The following UBR1 variants were observed in gnomAD, a reference collection of about 807,000 sequenced individuals.
UBR1 encodes E3 ubiquitin-protein ligase UBR1.
A neutral mutation model predicts 242.1 loss-of-function variants in UBR1; 102 were observed. That is an observed-to-expected ratio of 0.42 (90% confidence interval 0.36 to 0.50). The LOEUF (loss-of-function observed/expected upper bound fraction) is 0.50. Ranked by LOEUF, UBR1 falls within the 20% of genes least tolerant of loss-of-function variation. The pLI is 0.01. For missense variants in UBR1, 1,772 were observed against 2,101.8 expected, an observed-to-expected ratio of 0.84 and a Z score of 3.07; for synonymous variants, 675 against 684.8, an observed-to-expected ratio of 0.99 and a Z score of 0.22.
At chr15:42,962,347 T>C (rs913978695) in intron 42 of UBR1, among the ~76,000 whole-genome samples, 7 of 152,140 alleles carry the variant, frequency 4.6e-5, no homozygotes, top group African/African-American at 1.4e-4. Context: ...AACAGCGGTA[T>C]CATGGAGCCC....
At chr15:42,971,275 C>G (rs138511989) in intron 39 of UBR1, among the ~76,000 whole-genome samples, 482 of 152,244 alleles carry the variant, frequency 3.2e-3, no homozygotes, top group African/African-American at 0.011. Context: ...GTCTGTCCTG[C>G]CTTCATGCTC....
intron 1 of UBR1, among the ~76,000 whole-genome samples, chr15:43,090,312 C>T (rs942409837): frequency 2.6e-5 from 4 of 152,044 alleles, no homozygotes; most frequent in African/African-American, 9.7e-5. Flanking sequence ...AAAATATTAA[C>T]AGAAATGGGT....
chr15:42,966,345 TA>T, intron 40 of UBR1, 59 bp from the exon 41 acceptor site: 2 of 1,593,414 alleles, frequency 1.3e-6, no homozygotes, highest in South Asian at 2.2e-5. Flanking sequence ...GCCCTAGATT[TA>T]AACATATCCC....
At chr15:43,059,923 G>C in intron 7 of UBR1, 98 bp from the exon 8 acceptor site, 1 of 1,559,094 alleles carries the variant, frequency 6.4e-7, no homozygotes, top group South Asian at 1.1e-5. Flanking sequence ...AACCCTGCCA[G>C]TTCCAAATCT....
Position 43,015,737 on chromosome 15 carries a change from T to C in UBR1, c.3160A>G (p.Asn1054Asp). 3 of 1,614,180 alleles carry C rather than the reference T, an allele frequency of 1.9e-6. No individual in the cohort carries two copies. The highest frequency in any genetic ancestry group is 2.5e-6 in the Non-Finnish European group (3 of 1,180,026). The change falls in exon 29 of 47, where the codon AAT (asparagine) becomes GAT (aspartate). Residue 1054 changes from asparagine (N) to aspartate (D), a missense_variant. By Grantham distance (23) the Asn-to-Asp change is conservative. This residue lies in a region of UBR1 where 965 missense variants were observed against 1,079.7 expected (regional missense o/e 0.89). Coordinates refer to ENST00000290650, the MANE Select transcript of UBR1 (RefSeq NM_174916.3). ...FIETHKLMYD[N>D]TSEMPGKEDS... ...TCTTTCCCAGGCATTTCTGATGTATTGTCATACATGAGTTTATGAGTTTCA... is the reference window on the plus strand; with the variant it reads ...TCTTTCCCAGGCATTTCTGATGTATCGTCATACATGAGTTTATGAGTTTCA...
Position 42,966,192 on chromosome 15 carries a change from A to G in UBR1, c.4552T>C (p.Tyr1518His). ...TCAGGCGGAGTTACCCCAAGTAAAT[A>G]GTGGAAAAACAATGCAGCACAGCGA... is the stretch of plus-strand genomic sequence containing the variant. ...YLRCAALFFH[Y>H]LLGVTPPEEL... Residue 1518 changes from tyrosine (Y) to histidine (H), a missense_variant, in exon 41 of 47, where the codon TAT becomes CAT. By Grantham distance (83) the Tyr-to-His change is moderately conservative (BLOSUM62 2). Transcript: ENST00000290650. 1 of 1,614,164 alleles carries G rather than the reference A, an allele frequency of 6.2e-7. No individual in the cohort carries two copies. Among genetic ancestry groups the G allele is most frequent in the South Asian group, 1.1e-5 (1 of 91,088 alleles).
intron 6 of UBR1, among the ~76,000 whole-genome samples, chr15:43,060,344 G>A (rs1290374943): frequency 1.3e-5 from 2 of 152,208 alleles, no homozygotes; most frequent in African/African-American, 4.8e-5. Flanking sequence ...TTAAGATGCT[G>A]AGTTTCTTGC....
intron 39 of UBR1, among the ~76,000 whole-genome samples, chr15:42,973,901 T>G (rs1210004198): frequency 3.4e-5 from 5 of 147,880 alleles, no homozygotes; most frequent in African/African-American, 1.3e-4. Context: ...TTTTTTTTTT[T>G]TTTTTGAGAT....
chr15:43,017,043 C>G, intron 28 of UBR1, 52 bp downstream of exon 28: 1 of 1,470,950 alleles, frequency 6.8e-7, no homozygotes, highest in Non-Finnish European at 9.5e-7. Context: ...CAGTAAAGTT[C>G]AAAGACAGAG....
chr15:43,074,765 C>G (rs1596131444), intron 4 of UBR1, among the ~76,000 whole-genome samples: 1 of 152,164 alleles, frequency 6.6e-6, no homozygotes, highest in Admixed American at 6.5e-5. Context: ...AAAACATATT[C>G]TGAATTCATC....
chr15:43,026,556 T>C lies in UBR1; in HGVS notation c.2535+5A>G. ...TTATTTACTGAAAAGGATACTTTTT[T>C]CTACCTTGCTATGCTGGGTTTTGGA... On this transcript the variant is annotated splice_donor_5th_base_variant and intron_variant, in intron 23 of 46. Transcript: ENST00000290650. 6.2e-7 allele frequency: 1 copy of C among 1,611,572 alleles called. No individual in the cohort carries two copies. Among genetic ancestry groups the C allele is most frequent in the Admixed American group, 1.7e-5 (1 of 60,000 alleles).
Position 42,945,958 on chromosome 15 carries a change from T to C in UBR1, c.5109-488A>G, listed in dbSNP as rs187888953. On this transcript the variant is annotated intron_variant, in intron 46 of 46. Coordinates refer to ENST00000290650, the MANE Select transcript of UBR1 (RefSeq NM_174916.3). ...AAACTGGCTGGTTATTAGCAAATAA[T>C]TTAATAAAATAATTATACTTCAATT... Among the ~76,000 whole-genome samples the C allele has an allele frequency of 5.6e-4, 86 of 152,352 alleles. 1 individual carries two copies. In the Middle Eastern group the frequency reaches 0.017, roughly 30 times the overall value.
At position 43,026,499 on chromosome 15, in the gene UBR1, C is replaced by A. The variant is rs2033179461; in HGVS notation, c.2535+62G>T. 9.7e-6 allele frequency: 14 copies of A among 1,444,978 alleles called. 1 individual carries two copies. In the South Asian group the frequency reaches 1.5e-4, roughly 16 times the overall value. 89.5% of individuals were successfully genotyped at this position (1,444,978 alleles called of 1,614,324 possible). On this transcript the variant is annotated intron_variant, in intron 23 of 46. Coordinates refer to ENST00000290650, the MANE Select transcript of UBR1 (RefSeq NM_174916.3). ...AACTATAGAAAAAGCAGAAAATTTT[C>A]TGTGGAGTTAGAAAGCATAAAGCAT...
chr15:42,957,238 T>C (rs2031935680), intron 44 of UBR1, among the ~76,000 whole-genome samples: 1 of 152,176 alleles, frequency 6.6e-6, no homozygotes, highest in South Asian at 2.1e-4. Flanking sequence ...GGATAAATAT[T>C]AAAGACATGC....
chr15:43,057,573 A>G (rs541647939), intron 10 of UBR1, among the ~76,000 whole-genome samples: 1 of 152,358 alleles, frequency 6.6e-6, no homozygotes, highest in African/African-American at 2.4e-5. Flanking sequence ...GATACACGAT[A>G]GATTAATAAA....
At chr15:42,970,455 T>C (rs1427322498) in intron 40 of UBR1, 65 bp downstream of exon 40, 18 of 1,503,260 alleles carry the variant, frequency 1.2e-5, no homozygotes, top group Non-Finnish European at 1.6e-5. Flanking sequence ...AAATGTTACG[T>C]TGCCAAACAA....
chr15:43,031,193 G>A (rs530449051), intron 20 of UBR1, among the ~76,000 whole-genome samples: 25 of 151,830 alleles, frequency 1.6e-4, no homozygotes, highest in African/African-American at 6.0e-4. Context: ...CAAAAATGTT[G>A]ACTCCTGAGA....
chr15:42,947,492 T>G (rs897573160), intron 46 of UBR1, among the ~76,000 whole-genome samples: 2 of 152,052 alleles, frequency 1.3e-5, no homozygotes, highest in Non-Finnish European at 2.9e-5. Flanking sequence ...GGAAGTCAAA[T>G]TGTCCCTGTT....
intron 13 of UBR1, among the ~76,000 whole-genome samples, chr15:43,047,888 T>C (rs994278418): frequency 2.0e-5 from 3 of 152,190 alleles, no homozygotes; most frequent in Non-Finnish European, 2.9e-5. Context: ...ATTTATCACA[T>C]GGTAAGTATT....
Sources: gnomAD v4.1 joint callset for allele counts (sites outside exome capture counted in the v4.1 genomes callset) on GRCh38, gnomAD v4.1.1 for gene constraint, gnomAD v4.1.1 regional missense constraint, MANE v1.5 for transcripts, NCBI Gene and HGNC (gene_info 2026-07-23, HGNC 2026-07-21) for gene names.